Variants in HK2 observed in about 807,000 individuals in gnomAD.
HK2 encodes hexokinase 2, also known as hexokinase-2.
A neutral mutation model predicts 92.9 loss-of-function variants in HK2; 42 were observed. That is an observed-to-expected ratio of 0.45 (90% CI 0.35 to 0.58). HK2 has a LOEUF of 0.58. Ranked by LOEUF, HK2 falls within the 20% of genes least tolerant of loss-of-function variation. HK2 has a pLI of 0.00. For missense variants in HK2, 978 were observed against 1,245.1 expected, an observed-to-expected ratio of 0.79 and a Z score of 3.23; for synonymous variants, 422 against 468.0, an observed-to-expected ratio of 0.90 and a Z score of 1.27.
intron 8 of HK2, among the ~76,000 whole-genome samples, chr2:74,878,234 CG>C (rs1689280763): frequency 6.6e-6 from 1 of 152,110 alleles, no homozygotes; most frequent in Non-Finnish European, 1.5e-5. Context: ...TGGGCATCAC[CG>C]CAGGGTTCAC....
At chr2:74,887,431 A>AG (rs1209461951) in intron 15 of HK2, among the ~76,000 whole-genome samples, 3 of 145,474 alleles carry the variant, frequency 2.1e-5, no homozygotes, top group Non-Finnish European at 4.6e-5. Flanking sequence ...TCCAGTGGCC[A>AG]GGATGGGGGC....
chr2:74,867,917 G>C, intron 3 of HK2, 133 bp downstream of exon 3: 1 of 1,007,968 alleles, frequency 9.9e-7, no homozygotes, highest in South Asian at 1.3e-5. Flanking sequence ...CAGCACAGCT[G>C]TAAGGGCTCC....
chr2:74,887,896 A>G lies in HK2; in HGVS notation c.2220-7A>G. On this transcript the variant is annotated splice_polypyrimidine_tract_variant and splice_region_variant and intron_variant, in intron 15 of 17. Transcript: ENST00000290573. Reference sequence around the variant, plus strand: ...CTTAACCTCCATGAATGTTACTTGCATTGCAGGTTCGAGAAAATGATCAGT... The same window carrying G: ...CTTAACCTCCATGAATGTTACTTGCGTTGCAGGTTCGAGAAAATGATCAGT... 6.2e-7 allele frequency: 1 copy of G among 1,613,380 alleles called. No homozygotes were observed. The highest frequency in any genetic ancestry group is 1.1e-5 in the South Asian group (1 of 91,034).
In HK2 at chr2:74,851,652, G is replaced by A. The variant is rs559827777; in HGVS notation, c.64-2641G>A. 9.2e-5 allele frequency among the ~76,000 whole-genome samples: 14 copies of A among 152,310 alleles called. No individual in the cohort carries two copies. In the South Asian group the frequency reaches 2.9e-3, roughly 32 times the overall value. On this transcript the variant is annotated intron_variant, in intron 1 of 17. Transcript: ENST00000290573. ...CCTGTGCCCTTTGCAAACACCTGAA[G>A]CCTTCCATAGAGGGTGGAGGTGGGG...
At chr2:74,850,335 A>G (rs1307027125) in intron 1 of HK2, among the ~76,000 whole-genome samples, 2 of 152,256 alleles carry the variant, frequency 1.3e-5, no homozygotes, top group Non-Finnish European at 2.9e-5. Flanking sequence ...CAGAAGTATC[A>G]GAAAGCAGAT....
In HK2 at chr2:74,881,904, A is replaced by T. The variant is rs759936984; in HGVS notation, c.1719+45A>T. ...CAGGAGGGGGCCCCTGGTGGACGTC[A>T]CCTCTTGCCTTCGAGGACAGTGCTT... On this transcript the variant is annotated intron_variant, in intron 11 of 17. Coordinates refer to ENST00000290573, the MANE Select transcript of HK2 (RefSeq NM_000189.5). 4 of 1,605,130 alleles carry T rather than the reference A, an allele frequency of 2.5e-6. No individual in the cohort carries two copies. The Admixed American group carries it at 6.7e-5, about 27-fold the overall frequency.
intron 9 of HK2, 21 bp downstream of exon 9, chr2:74,878,942 T>C (rs1464484984): frequency 2.0e-6 from 3 of 1,537,314 alleles, no homozygotes; most frequent in Non-Finnish European, 2.6e-6. Flanking sequence ...GTGCAGGGCC[T>C]GGAGATGCGG....
At chr2:74,848,414 C>T (rs887117093) in intron 1 of HK2, among the ~76,000 whole-genome samples, 2 of 152,190 alleles carry the variant, frequency 1.3e-5, no homozygotes, top group African/African-American at 4.8e-5. Context: ...AATTTAGTGG[C>T]ATTAAGTGTG....
At chr2:74,879,029 C>A in intron 9 of HK2, 108 bp downstream of exon 9, 1 of 934,764 alleles carries the variant, frequency 1.1e-6, no homozygotes, top group Non-Finnish European at 1.7e-6. Flanking sequence ...GTGGAGGGAC[C>A]ATAGAGCTGA....
At chr2:74,879,833 T>A (rs1370255797) in intron 9 of HK2, among the ~76,000 whole-genome samples, 1 of 152,148 alleles carries the variant, frequency 6.6e-6, no homozygotes, top group Non-Finnish European at 1.5e-5. Context: ...TAATTTTGGG[T>A]CTTTCCCAGA....
intron 12 of HK2, 91 bp from the exon 13 acceptor site, chr2:74,885,403 G>T: frequency 2.4e-6 from 2 of 844,866 alleles, no homozygotes; most frequent in African/African-American, 1.7e-5. Flanking sequence ...TCTGACCTGT[G>T]AGGTTGAGAG....
At position 74,834,769 on chromosome 2, in the gene HK2, TG is replaced by T; in HGVS notation, c.63+129del. On this transcript the variant is annotated intron_variant, in intron 1 of 17. Transcript: ENST00000290573. This position sits in a 1 kb window ranked among gnomAD's most constrained non-coding sequence, Gnocchi z 4.2. The stretch of plus-strand genomic sequence containing the variant: ...TCCGGGCCTGGGAGCGGAAAAAGTT[TG>T]GGCAGCCGGGACACTCCTGGGCGCC... 1 of 1,061,438 alleles carries T rather than the reference TG, an allele frequency of 9.4e-7. No individual in the cohort carries two copies. The highest frequency in any genetic ancestry group is 2.5e-5 in the East Asian group (1 of 40,540). The allele number at this position is 1,061,438 out of a possible 1,614,324, so 65.8% of individuals were successfully genotyped here.
chr2:74,875,581 G>A (rs984539791), intron 7 of HK2, among the ~76,000 whole-genome samples: 5 of 152,022 alleles, frequency 3.3e-5, no homozygotes, highest in Non-Finnish European at 5.9e-5. Context: ...CGCCCTCCTC[G>A]GCCTCCCAAA....
intron 1 of HK2, among the ~76,000 whole-genome samples, chr2:74,854,057 T>G (rs1382774216): frequency 2.0e-5 from 3 of 152,042 alleles, no homozygotes; most frequent in Admixed American, 1.3e-4. Flanking sequence ...AGGCCTTTCC[T>G]CAGGTATGCA....
rs544275179 is a variant in HK2, at chr2:74,865,413, C to T, written c.227-2223C>T. Among the ~76,000 whole-genome samples the T allele has an allele frequency of 2.6e-5, 4 of 152,220 alleles. No individual in the cohort carries two copies. The East Asian group carries it at 7.7e-4, about 29-fold the overall frequency. ...CCAGGGGCAGCCTCGCCACCTCGGT[C>T]CCCTGTGGTCACTGATTCAGCGGAT... On this transcript the variant is annotated intron_variant, in intron 2 of 17. Transcript: ENST00000290573.
chr2:74,874,187 C>G (rs770682424), intron 6 of HK2, 79 bp from the exon 7 acceptor site: 1 of 1,568,540 alleles, frequency 6.4e-7, no homozygotes, highest in Non-Finnish European at 8.8e-7. Flanking sequence ...CGGGCAGTCT[C>G]GGGACAGTAG....
At chr2:74,882,349 C>T (rs1050912785) in intron 12 of HK2, 110 bp downstream of exon 12, 57 of 1,530,266 alleles carry the variant, frequency 3.7e-5, no homozygotes, top group South Asian at 3.3e-4. Context: ...GAAAGGAGGG[C>T]GTGAGTTACC....
rs554051113 is a variant in HK2 at position 74,871,259 on chromosome 2, CT to C, written c.376-1038del. ...GTGAGGTTGCTGTTCCAGGAGCACA[CT>C]TTGAAAAGCCATGGTTTAGTCGAAT... On this transcript the variant is annotated intron_variant, in intron 3 of 17. Coordinates refer to ENST00000290573, the MANE Select transcript of HK2 (RefSeq NM_000189.5). Among the ~76,000 whole-genome samples the C allele has an allele frequency of 2.8e-3, 433 of 152,292 alleles. 1 individual carries two copies. The highest frequency in any genetic ancestry group is 7.9e-3 in the South Asian group (38 of 4,824).
intron 12 of HK2, among the ~76,000 whole-genome samples, chr2:74,883,419 T>C (rs1689448083): frequency 6.6e-6 from 1 of 151,968 alleles, no homozygotes; most frequent in Non-Finnish European, 1.5e-5. Flanking sequence ...AATGAGTTGA[T>C]GGGAAAGAAA....
Sources: allele counts gnomAD v4.1 joint callset (sites outside exome capture counted in the v4.1 genomes callset), GRCh38; gene constraint gnomAD v4.1.1; non-coding constraint Gnocchi (gnomAD v3.1); transcripts MANE v1.5; gene names NCBI Gene and HGNC (gene_info 2026-07-23, HGNC 2026-07-21).